ANGPTL6: variants seen among roughly 807,000 people sequenced by gnomAD.
ANGPTL6 encodes angiopoietin like 6.
Under a neutral mutation model 47.4 loss-of-function variants are expected in ANGPTL6, and 45 were observed. The ratio of observed to expected loss-of-function variants is 0.95; its 90% CI spans 0.75 to 1.22. The LOEUF is 1.22. Ranked by LOEUF, ANGPTL6 falls within the 50% of genes most tolerant of loss-of-function variation. The probability of loss-of-function intolerance (pLI) is 0.00; values close to 1 mark genes in which losing one functional copy is unlikely to be tolerated. For synonymous variants in ANGPTL6, 290 were observed against 295.9 expected (o/e 0.98, Z 0.20); for missense variants, 698 against 669.4 (o/e 1.04, Z -0.47).
At position 10,096,555 on chromosome 19, in the gene ANGPTL6, C is replaced by T. The variant is rs912500842; in HGVS notation, c.9G>A (p.Lys3=). MG[K]PWLRALQLLL... ...GCAGCTGTAGCGCACGCAGCCAGGG[C>T]TTCCCCATCGCGGCGGACCTGCAGG... is the stretch of plus-strand genomic sequence containing the variant. Residue 3 remains lysine (K), a synonymous_variant, in exon 2 of 6, where the codon AAG becomes AAA. Transcript: ENST00000253109. 12 of 1,509,810 alleles carry T rather than the reference C, an allele frequency of 7.9e-6. No homozygotes were observed. The highest frequency in any genetic ancestry group is 2.0e-4 in the Middle Eastern group (1 of 5,122). The allele number at this position is 1,509,810 out of a possible 1,614,324, so 93.5% of individuals were successfully genotyped here.
intron 1 of ANGPTL6, among the ~76,000 whole-genome samples, chr19:10,098,727 G>C (rs534296418): frequency 6.6e-6 from 1 of 152,096 alleles, no homozygotes; most frequent in East Asian, 1.9e-4. Flanking sequence ...GGGAGGCTGA[G>C]GCAGGAGAAT....
upstream of ANGPTL6, among the ~76,000 whole-genome samples, chr19:10,105,104 C>G (rs1479601012): frequency 2.6e-5 from 4 of 152,232 alleles, no homozygotes; most frequent in African/African-American, 9.6e-5. Flanking sequence ...GAGTCACCTC[C>G]TTCCCCTGGT....
chr19:10,097,400 A>G (rs2088574672), intron 1 of ANGPTL6, among the ~76,000 whole-genome samples: 1 of 151,600 alleles, frequency 6.6e-6, no homozygotes, highest in Non-Finnish European at 1.5e-5. Context: ...AAAAAAAAAA[A>G]GCAGTCACTA....
chr19:10,095,286 C>T (rs2088502625), intron 2 of ANGPTL6, among the ~76,000 whole-genome samples: 1 of 152,196 alleles, frequency 6.6e-6, no homozygotes, highest in Admixed American at 6.5e-5. Flanking sequence ...TTGGCTCACG[C>T]CTGTAATGCC....
Position 10,096,053 on chromosome 19 carries a change from C to G in ANGPTL6, c.511G>C (p.Val171Leu), listed in dbSNP as rs1389734837. The change falls in exon 2 of 6, where the codon GTC becomes CTC. Residue 171 changes from valine to leucine, a missense_variant. Physicochemically the swap from Val to Leu is conservative, Grantham distance 32. Coordinates refer to ENST00000253109, the MANE Select transcript of ANGPTL6 (RefSeq NM_031917.3). ...GCGATGAGACTGCTCTGCTGGGTGA[C>G]GAGCTGCGCCAGCTCGCGGAACTTG... is the stretch of plus-strand genomic sequence containing the variant. ...DVKFRELAQLVTQQSSLIARL... is the reference protein window; with the variant it reads ...DVKFRELAQLLTQQSSLIARL... 1.4e-6 allele frequency: 2 copies of G among 1,464,246 alleles called. No individual in the cohort carries two copies. Among genetic ancestry groups the G allele is most frequent in the Admixed American group, 2.4e-5 (1 of 42,212 alleles). The allele number at this position is 1,464,246 out of a possible 1,614,324, so 90.7% of individuals were successfully genotyped here.
chr19:10,095,206 G>A (rs1040488293), intron 2 of ANGPTL6, among the ~76,000 whole-genome samples: 5 of 152,114 alleles, frequency 3.3e-5, no homozygotes, highest in East Asian at 1.9e-4. Flanking sequence ...TCAGGAGTTC[G>A]AGACCAGCCT....
chr19:10,092,539 C>A lies in ANGPTL6; in HGVS notation c.*50G>T. On this transcript the variant is annotated 3_prime_UTR_variant, in exon 6 of 6. Transcript: ENST00000253109. ...GAAGGTGTGGCCAGAACAACTTGGGCTCCTGCTGACCAATGTCCTCTAGGG... is the reference window on the plus strand; with the variant it reads ...GAAGGTGTGGCCAGAACAACTTGGGATCCTGCTGACCAATGTCCTCTAGGG... The A allele has an allele frequency of 6.4e-7, 1 of 1,551,802 alleles. No homozygotes were observed. Among genetic ancestry groups the A allele is most frequent in the Non-Finnish European group, 8.7e-7 (1 of 1,145,528 alleles).
Position 10,096,183 on chromosome 19 carries a change from A to G in ANGPTL6, c.381T>C (p.Asp127=). The change falls in exon 2 of 6, where the codon GAT becomes GAC. Residue 127 remains aspartate (D), a synonymous_variant. Transcript: ENST00000253109. The part of the protein sequence containing the change: ...EAGPGAGPGA[D]LGAEPAAALA... Reference sequence around the variant, plus strand: ...GCGCCGCGGCAGGCTCCGCCCCCAGATCCGCCCCCGGGCCCGCCCCGGGCC... The same window carrying G: ...GCGCCGCGGCAGGCTCCGCCCCCAGGTCCGCCCCCGGGCCCGCCCCGGGCC... 1.6e-6 allele frequency: 2 copies of G among 1,267,478 alleles called. No individual in the cohort carries two copies. Among genetic ancestry groups the G allele is most frequent in the Non-Finnish European group, 2.0e-6 (2 of 1,007,354 alleles). 78.5% of individuals were successfully genotyped at this position (1,267,478 alleles called of 1,614,324 possible).
chr19:10,096,929 TA>T (rs1000896394), intron 1 of ANGPTL6, among the ~76,000 whole-genome samples: 4 of 34,538 alleles, frequency 1.2e-4, no homozygotes, highest in Admixed American at 3.6e-4. Context: ...CCCCTGTCTC[TA>T]CAAAAAAAAA....
chr19:10,093,309 G>A (rs763133488), intron 5 of ANGPTL6, 40 bp downstream of exon 5: 28 of 1,585,682 alleles, frequency 1.8e-5, no homozygotes, highest in Middle Eastern at 1.7e-4. Flanking sequence ...CAGGAGTCCC[G>A]CCTCCCCTAT....
intron 3 of ANGPTL6, chr19:10,094,406 A>G: frequency 3.4e-6 from 1 of 293,258 alleles, no homozygotes; most frequent in South Asian, 3.3e-5. Context: ...TCGGCCTCCC[A>G]AAGTGCTGGG....
upstream of ANGPTL6, among the ~76,000 whole-genome samples, chr19:10,104,290 T>A (rs1031099340): frequency 1.0e-5 from 1 of 97,152 alleles, no homozygotes; most frequent in Non-Finnish European, 2.0e-5. Context: ...CTTTCTTTGG[T>A]GTTTTTTTTG....
At chr19:10,103,673 AT>A (rs2088739555), upstream of ANGPTL6, among the ~76,000 whole-genome samples, 1 of 151,092 alleles carries the variant, frequency 6.6e-6, no homozygotes, top group Non-Finnish European at 1.5e-5. Flanking sequence ...AAAATAAAAA[AT>A]AAATATAAAA....
chr19:10,093,260 G>A (rs911443656), intron 5 of ANGPTL6, 89 bp downstream of exon 5: 42 of 1,497,252 alleles, frequency 2.8e-5, no homozygotes, highest in Non-Finnish European at 3.5e-5. Context: ...CCAGAGGGGC[G>A]TCTTACCTAC....
chr19:10,102,979 A>G (rs1271813005), upstream of ANGPTL6, among the ~76,000 whole-genome samples: 1 of 151,678 alleles, frequency 6.6e-6, no homozygotes, highest in Non-Finnish European at 1.5e-5. Context: ...CACCACACAT[A>G]GAAAGAGGAA....
At position 10,093,567 on chromosome 19, in the gene ANGPTL6, T is replaced by TA. The variant is rs754920128; in HGVS notation, c.1003dup (p.Tyr335LeufsTer10). 6.8e-6 allele frequency: 11 copies of TA among 1,613,676 alleles called. No homozygotes were observed. The East Asian group carries it at 1.3e-4, about 20-fold the overall frequency. The stretch of plus-strand genomic sequence containing the variant: ...ATGGTCCCCACGGCTGGTCAGCTGA[T>TA]ACACGGGTTCAAGGCCCAGCCAGTA... On this transcript the variant is annotated frameshift_variant, in exon 5 of 6. Transcript: ENST00000253109. LOFTEE classifies it high-confidence loss of function.
At position 10,102,136 on chromosome 19, in the gene ANGPTL6, A is replaced by G. The variant is rs1185667850; in HGVS notation, c.-11+432T>C. Among the ~76,000 whole-genome samples, 545 of 150,140 alleles carry G rather than the reference A, an allele frequency of 3.6e-3. 7 individuals are homozygous for G. Among genetic ancestry groups the G allele is most frequent in the African/African-American group, 0.013 (516 of 41,068 alleles). ...GTCTCAAAAAAAAAAAAAAAAAAAA[A>G]AAGAAATGGCAGAAATGTCTATGAG... is the stretch of plus-strand genomic sequence containing the variant. On this transcript the variant is annotated intron_variant, in intron 1 of 5. Transcript: ENST00000253109.
chr19:10,094,083 A>C (rs1035660656), intron 3 of ANGPTL6, among the ~76,000 whole-genome samples: 1 of 152,110 alleles, frequency 6.6e-6, no homozygotes, highest in Admixed American at 6.6e-5. Flanking sequence ...TCCGAGCTCC[A>C]ATAGCCATTT....
intron 1 of ANGPTL6, among the ~76,000 whole-genome samples, chr19:10,097,866 A>T (rs2088587696): frequency 1.3e-5 from 2 of 151,666 alleles, no homozygotes; most frequent in Non-Finnish European, 2.9e-5. Context: ...AAAATAAAAT[A>T]AAATAAAATA....
Sources: gnomAD v4.1 joint callset for allele counts (sites outside exome capture counted in the v4.1 genomes callset) on GRCh38, gnomAD v4.1.1 for gene constraint, MANE v1.5 for transcripts, NCBI Gene and HGNC (gene_info 2026-07-23, HGNC 2026-07-21) for gene names.